The following ABRAXAS2 variants were observed in gnomAD, a reference collection of about 807,000 sequenced individuals.
The protein encoded by ABRAXAS2 is BRISC complex subunit Abraxas 2.
A neutral mutation model predicts 49.0 loss-of-function variants in ABRAXAS2; 23 were observed. The observed-to-expected ratio is 0.47, with a 90% CI of 0.34 to 0.66. The LOEUF is 0.66. Among genes scored for constraint, ABRAXAS2 ranks in the 30% least tolerant of loss-of-function variants. ABRAXAS2 has a pLI of 0.01. For synonymous variants in ABRAXAS2, 168 were observed against 180.2 expected (o/e 0.93, Z 0.54); for missense variants, 443 against 511.9 (o/e 0.87, Z 1.30).
chr10:124,825,317 C>A (rs957024715), intron 4 of ABRAXAS2, among the ~76,000 whole-genome samples: 238 of 103,732 alleles, frequency 2.3e-3, no homozygotes, highest in African/African-American at 4.7e-3. Flanking sequence ...GACTCTGTCT[C>A]AAAAAAAAAA....
intron 4 of ABRAXAS2, among the ~76,000 whole-genome samples, chr10:124,821,285 G>A (rs1006217148): frequency 1.3e-5 from 2 of 151,940 alleles, no homozygotes; most frequent in African/African-American, 4.8e-5. Context: ...AGAAGAAATC[G>A]GCTGGGTGCG....
At chr10:124,819,532 G>T in intron 4 of ABRAXAS2, 82 bp downstream of exon 4, 1 of 1,254,098 alleles carries the variant, frequency 8.0e-7, no homozygotes, top group Non-Finnish European at 1.2e-6. Context: ...AATGTAAAAT[G>T]GAACAATAAG....
At chr10:124,829,023 C>A in intron 6 of ABRAXAS2, 148 bp downstream of exon 6, 2 of 710,874 alleles carry the variant, frequency 2.8e-6, no homozygotes, top group Non-Finnish European at 4.4e-6. Flanking sequence ...CTAGATACCA[C>A]CAGCATGTAT....
chr10:124,810,739 C>A (rs1295372499), intron 2 of ABRAXAS2, among the ~76,000 whole-genome samples: 1 of 151,356 alleles, frequency 6.6e-6, no homozygotes, highest in Middle Eastern at 3.2e-3. Context: ...CACGCCACCA[C>A]TCCCAGCTAA....
At chr10:124,823,667 G>C (rs1950876881) in intron 4 of ABRAXAS2, among the ~76,000 whole-genome samples, 1 of 152,210 alleles carries the variant, frequency 6.6e-6, no homozygotes, top group Non-Finnish European at 1.5e-5. Context: ...GGATAGAATA[G>C]TCTGTGTGAA....
At chr10:124,811,104 G>A (rs1347645660) in intron 2 of ABRAXAS2, among the ~76,000 whole-genome samples, 2 of 151,666 alleles carry the variant, frequency 1.3e-5, no homozygotes, top group South Asian at 2.1e-4. Flanking sequence ...CCAGCTATGC[G>A]GGAGGCTGAG....
intron 5 of ABRAXAS2, among the ~76,000 whole-genome samples, chr10:124,828,531 A>AT (rs937605505): frequency 4.0e-5 from 6 of 149,564 alleles, no homozygotes; most frequent in Admixed American, 6.7e-5. Context: ...TGCCCGGCTA[A>AT]TTTTTTTTTT....
chr10:124,833,440 G>A (rs2559517), intron 8 of ABRAXAS2, among the ~76,000 whole-genome samples: 13,245 of 152,238 alleles, frequency 0.087, 806 homozygotes, highest in East Asian at 0.22. Context: ...ACTCCAGCCT[G>A]GGTGACAGAG....
intron 4 of ABRAXAS2, among the ~76,000 whole-genome samples, chr10:124,821,293 G>A (rs1444455592): frequency 1.3e-5 from 2 of 152,082 alleles, no homozygotes; most frequent in Non-Finnish European, 2.9e-5. Flanking sequence ...TCGGCTGGGT[G>A]CGGTGGCTCA....
At chr10:124,821,027 C>A (rs1950858091) in intron 4 of ABRAXAS2, among the ~76,000 whole-genome samples, 1 of 151,944 alleles carries the variant, frequency 6.6e-6, no homozygotes, top group African/African-American at 2.4e-5. Context: ...GATCCTCCCA[C>A]CTCAGCCCCC....
chr10:124,807,464 C>G (rs958515456), intron 2 of ABRAXAS2, among the ~76,000 whole-genome samples: 2 of 150,568 alleles, frequency 1.3e-5, no homozygotes, highest in African/African-American at 4.9e-5. Flanking sequence ...ACCAGCCTGG[C>G]CCACATGGTG....
chr10:124,828,669 CAG>C, intron 5 of ABRAXAS2, 85 bp from the exon 6 acceptor site: 1 of 1,319,220 alleles, frequency 7.6e-7, no homozygotes, highest in African/African-American at 1.5e-5. Flanking sequence ...CCACCACACC[CAG>C]CCCTTTTTTT....
chr10:124,820,900 A>G (rs1950857551), intron 4 of ABRAXAS2, among the ~76,000 whole-genome samples: 1 of 152,016 alleles, frequency 6.6e-6, no homozygotes, highest in African/African-American at 2.4e-5. Context: ...ACAGATTTCA[A>G]ATTTTTATTT....
At chr10:124,821,476 G>A (rs929154019) in intron 4 of ABRAXAS2, among the ~76,000 whole-genome samples, 4 of 151,998 alleles carry the variant, frequency 2.6e-5, no homozygotes, top group African/African-American at 4.8e-5. Context: ...TGAGGCAGGA[G>A]AATCGCTTGA....
chr10:124,826,573 A>G (rs756906512), intron 4 of ABRAXAS2, 22 bp from the exon 5 acceptor site: 3 of 1,599,054 alleles, frequency 1.9e-6, no homozygotes, highest in Non-Finnish European at 2.6e-6. Flanking sequence ...ATTTCATGCA[A>G]CTTTTCACAC....
intron 2 of ABRAXAS2, among the ~76,000 whole-genome samples, chr10:124,813,420 T>C (rs539970752): frequency 6.6e-6 from 1 of 152,014 alleles, no homozygotes; most frequent in African/African-American, 2.4e-5. Context: ...GGAGAAGAAA[T>C]GTTCAACGCA....
chr10:124,817,137 A>T (rs982140925), intron 3 of ABRAXAS2, among the ~76,000 whole-genome samples: 2 of 152,118 alleles, frequency 1.3e-5, no homozygotes, highest in Non-Finnish European at 2.9e-5. Context: ...GCACAGTAAG[A>T]GATGATTGAA....
Position 124,834,569 on chromosome 10 carries a change from G to T in ABRAXAS2, c.846G>T (p.Arg282=), listed in dbSNP as rs115537499. ...GCTTGGACCCAGCGTTCAGTCCTCG[G>T]ATGCCGTCCTCTGGGTTTGCAGCTG... ...SESLDPAFSP[R]MPSSGFAAEG... Residue 282 remains arginine, a synonymous_variant, in exon 9 of 9, where the codon CGG becomes CGT. Coordinates refer to ENST00000298492, the MANE Select transcript of ABRAXAS2 (RefSeq NM_032182.4). 1,111 of 1,614,116 alleles carry T rather than the reference G, an allele frequency of 6.9e-4. 10 individuals are homozygous for T. In the African/African-American group the frequency reaches 0.012, roughly 18 times the overall value.
chr10:124,804,705 C>CTTTT (rs1950728608), intron 1 of ABRAXAS2, among the ~76,000 whole-genome samples: 1 of 132,900 alleles, frequency 7.5e-6, no homozygotes. Context: ...ATATATATTT[C>CTTTT]TTTTTTTCTT....
Sources: allele counts gnomAD v4.1 joint callset (sites outside exome capture counted in the v4.1 genomes callset), GRCh38; gene constraint gnomAD v4.1.1; transcripts MANE v1.5; gene names NCBI Gene and HGNC (gene_info 2026-07-23, HGNC 2026-07-21).